Variants in SBF2 observed in about 807,000 individuals in gnomAD.
SBF2 encodes the protein myotubularin-related protein 13.
SBF2 carries 112 observed loss-of-function variants against 225.2 expected under a neutral mutation model. That is an observed-to-expected ratio of 0.50 (90% CI 0.43 to 0.58). The LOEUF is 0.58. Among genes scored for constraint, SBF2 ranks in the 20% least tolerant of loss-of-function variants. SBF2 has a pLI of 0.00. For missense variants in SBF2, 1,996 were observed against 2,206.2 expected (o/e 0.90, Z 1.91); for synonymous variants, 763 against 773.3 (o/e 0.99, Z 0.22).
chr11:10,118,474 T>C (rs1384875968), intron 2 of SBF2, among the ~76,000 whole-genome samples: 1 of 152,058 alleles, frequency 6.6e-6, no homozygotes. Flanking sequence ...TTGCCCAAAG[T>C]AATTTAATTC....
In SBF2 at chr11:10,100,429, T is replaced by C. The variant is rs974911228; in HGVS notation, c.142-57448A>G. Among the ~76,000 whole-genome samples the C allele has an allele frequency of 2.0e-5, 3 of 152,194 alleles. No homozygotes were observed. The East Asian group carries it at 5.8e-4, about 29-fold the overall frequency. On this transcript the variant is annotated intron_variant, in intron 2 of 39. Coordinates refer to ENST00000256190, the MANE Select transcript of SBF2 (RefSeq NM_030962.4). ...GCCAGCCCAAGCGGCCACAGTTGTCTTGGACTGGGGGCTGATTCTGGCAAT... is the reference window on the plus strand; with the variant it reads ...GCCAGCCCAAGCGGCCACAGTTGTCCTGGACTGGGGGCTGATTCTGGCAAT...
chr11:9,935,963 A>G (rs1864866976), intron 16 of SBF2, among the ~76,000 whole-genome samples: 1 of 152,214 alleles, frequency 6.6e-6, no homozygotes, highest in Non-Finnish European at 1.5e-5. Flanking sequence ...AATGGGATCT[A>G]ATTAAACTAA....
chr11:10,283,454 A>G (rs190946573), intron 1 of SBF2, among the ~76,000 whole-genome samples: 29 of 152,324 alleles, frequency 1.9e-4, no homozygotes, highest in Admixed American at 1.2e-3. Context: ...TCTCTCTCAT[A>G]GTGCTTAAAT....
chr11:10,127,510 T>C (rs1347425983), intron 2 of SBF2, among the ~76,000 whole-genome samples: 1 of 152,074 alleles, frequency 6.6e-6, no homozygotes, highest in African/African-American at 2.4e-5. Context: ...CATCTATATC[T>C]TTATCTTAAC....
chr11:10,130,571 G>A (rs1378904766), intron 2 of SBF2, among the ~76,000 whole-genome samples: 1 of 152,020 alleles, frequency 6.6e-6, no homozygotes, highest in Non-Finnish European at 1.5e-5. Context: ...GATACAATGT[G>A]TGTATAGTTC....
intron 1 of SBF2, among the ~76,000 whole-genome samples, chr11:10,249,411 T>G (rs1960127507): frequency 6.6e-6 from 1 of 152,226 alleles, no homozygotes; most frequent in Admixed American, 6.5e-5. Flanking sequence ...CATGTAATAT[T>G]AAAAGATAAT....
intron 2 of SBF2, among the ~76,000 whole-genome samples, chr11:10,061,816 A>C (rs182799716): frequency 1.2e-4 from 18 of 152,340 alleles, no homozygotes; most frequent in African/African-American, 4.3e-4. Flanking sequence ...TACCAATGAC[A>C]TTCTTCACAG....
intron 2 of SBF2, among the ~76,000 whole-genome samples, chr11:10,065,517 G>C (rs1429255437): frequency 6.6e-6 from 1 of 152,058 alleles, no homozygotes; most frequent in African/African-American, 2.4e-5. Flanking sequence ...ATCACACACA[G>C]AGAAAAAAAT....
At position 10,209,192 on chromosome 11, in the gene SBF2, G is replaced by T. The variant is rs56014129; in HGVS notation, c.56-15205C>A. Among the ~76,000 whole-genome samples, 90 of 152,170 alleles carry T rather than the reference G, an allele frequency of 5.9e-4. 2 individuals are homozygous for T. The highest frequency in any genetic ancestry group is 1.1e-3 in the Non-Finnish European group (78 of 68,002). On this transcript the variant is annotated intron_variant, in intron 1 of 39. Transcript: ENST00000256190. ...AAAATCCTTAGTTCTCCAGCAACCT[G>T]TGCCTTCAAAATCAAGTAGGCCTTT...
chr11:9,791,097 T>C (rs1852712583), intron 33 of SBF2: 1 of 178,902 alleles, frequency 5.6e-6, no homozygotes, highest in Non-Finnish European at 1.2e-5. Flanking sequence ...TTGTTGGCTG[T>C]TTGTTTATTA....
chr11:9,934,081 A>AAAAT (rs56872212), intron 16 of SBF2, among the ~76,000 whole-genome samples: 4 of 150,444 alleles, frequency 2.7e-5, no homozygotes, highest in Admixed American at 6.6e-5. Flanking sequence ...GACTGTCTCA[A>AAAAT]AAATAAATAA....
rs753356950 is a variant in SBF2, at chr11:9,895,995, T to C, written c.1877A>G (p.Glu626Gly). ...TAATGCTGCGGCAATGTTGTATTCT[T>C]CTAAACTTGAACAATCCTTTAAGCA... ...NCTLQDCSSL[E>G]EYNIAAALLP... Residue 626 changes from glutamate (E) to glycine (G), a missense_variant, in exon 17 of 40, where the codon GAA becomes GGA. By Grantham distance (98) the Glu-to-Gly change is moderately conservative. Coordinates refer to ENST00000256190, the MANE Select transcript of SBF2 (RefSeq NM_030962.4). The C allele has an allele frequency of 1.9e-6, 3 of 1,613,202 alleles. No homozygotes were observed. The South Asian group carries it at 3.3e-5, about 18-fold the overall frequency.
intron 11 of SBF2, among the ~76,000 whole-genome samples, 176 bp from the exon 12 acceptor site, chr11:9,992,719 AAAG>A (rs1947492400): frequency 6.6e-6 from 1 of 152,178 alleles, no homozygotes; most frequent in South Asian, 2.1e-4. Flanking sequence ...CATATATTGA[AAAG>A]AATAAAAATG....
In SBF2 at chr11:9,850,032, C is replaced by T; in HGVS notation, c.2797G>A (p.Asp933Asn). ...YRILFRGTPH[D>N]QLVGEQTVVR... Reference sequence around the variant, plus strand: ...GCATATCGAGTCATACCTAACTGATCATGGGGTGTTCCTCTGAAGAGAATT... The same window carrying T: ...GCATATCGAGTCATACCTAACTGATTATGGGGTGTTCCTCTGAAGAGAATT... The change falls in exon 22 of 40, where the codon GAT (aspartate) becomes AAT (asparagine). Residue 933 changes from aspartate to asparagine, a missense_variant. Transcript: ENST00000256190. 1 of 1,613,942 alleles carries T rather than the reference C, an allele frequency of 6.2e-7. No individual in the cohort carries two copies. Among genetic ancestry groups the T allele is most frequent in the East Asian group, 2.2e-5 (1 of 44,880 alleles).
chr11:10,243,884 C>T (rs1346139231), intron 1 of SBF2, among the ~76,000 whole-genome samples: 1 of 152,056 alleles, frequency 6.6e-6, no homozygotes, highest in Non-Finnish European at 1.5e-5. Context: ...AGAATTATCA[C>T]CAATTCTTCT....
chr11:10,187,827 T>C (rs1343862539), intron 2 of SBF2, among the ~76,000 whole-genome samples: 2 of 152,192 alleles, frequency 1.3e-5, no homozygotes, highest in African/African-American at 4.8e-5. Flanking sequence ...AGCATTACCT[T>C]AACCAATTCA....
At chr11:10,249,342 G>A (rs7933018) in intron 1 of SBF2, among the ~76,000 whole-genome samples, 41,308 of 151,946 alleles carry the variant, frequency 0.27, 6,389 homozygotes, top group Non-Finnish European at 0.35. Context: ...AAAAATTGGG[G>A]TTGACATTAA....
At chr11:10,147,900 A>G (rs1292909516) in intron 2 of SBF2, among the ~76,000 whole-genome samples, 2 of 152,158 alleles carry the variant, frequency 1.3e-5, no homozygotes, top group East Asian at 3.9e-4. Context: ...GCTACTAGAA[A>G]AAGTTACTTA....
chr11:10,117,440 C>CAAA (rs57722094), intron 2 of SBF2, among the ~76,000 whole-genome samples: 28 of 40,868 alleles, frequency 6.9e-4, no homozygotes, highest in African/African-American at 1.6e-3. Flanking sequence ...GAATCCAACT[C>CAAA]AAAAAAAAAA....
Sources: allele counts gnomAD v4.1 joint callset (sites outside exome capture counted in the v4.1 genomes callset), GRCh38; gene constraint gnomAD v4.1.1; transcripts MANE v1.5; gene names NCBI Gene and HGNC (gene_info 2026-07-23, HGNC 2026-07-21).